The following LRRIQ1 variants were observed in gnomAD, a reference collection of about 807,000 sequenced individuals.
LRRIQ1 encodes leucine rich repeats and IQ motif containing 1.
A neutral mutation model predicts 211.9 loss-of-function variants in LRRIQ1; 210 were observed. The ratio of observed to expected loss-of-function variants is 0.99; its 90% CI spans 0.89 to 1.11. The LOEUF (loss-of-function observed/expected upper bound fraction) is 1.11, where lower values mean the gene tolerates loss of function less well. Ranked by LOEUF, LRRIQ1 falls within the 50% of genes most tolerant of loss-of-function variation. The pLI is 0.00. For synonymous variants in LRRIQ1, 699 were observed against 650.1 expected, an observed-to-expected ratio of 1.08 and a Z score of -1.14; for missense variants, 2,136 against 1,939.5, an observed-to-expected ratio of 1.10 and a Z score of -1.90.
At chr12:85,137,438 A>T (rs555251194) in intron 18 of LRRIQ1, among the ~76,000 whole-genome samples, 394 of 151,732 alleles carry the variant, frequency 2.6e-3, no homozygotes, top group African/African-American at 9.0e-3. Flanking sequence ...TCCCTGTATA[A>T]TATGGCCATT....
chr12:85,189,018 A>G (rs1445391799), intron 24 of LRRIQ1, among the ~76,000 whole-genome samples: 1 of 152,156 alleles, frequency 6.6e-6, no homozygotes, highest in African/African-American at 2.4e-5. Context: ...TAGAGACTGC[A>G]CAAGGTGGAG....
rs1224938469 is a variant in LRRIQ1 at position 85,192,680 on chromosome 12, A to G, written c.4822+31966A>G. On this transcript the variant is annotated intron_variant, in intron 24 of 26. Coordinates refer to ENST00000393217, the MANE Select transcript of LRRIQ1 (RefSeq NM_001079910.2). ...TTATAAATATATAGTTATATACTAT[A>G]ATTATATATAAATATATAGTTATAT... Among the ~76,000 whole-genome samples, 51 of 63,264 alleles carry G rather than the reference A, an allele frequency of 8.1e-4. 6 individuals are homozygous for G. The highest frequency in any genetic ancestry group is 6.9e-3 in the African/African-American group (48 of 6,966). The allele number at this position is 63,264 out of a possible 152,430, so 41.5% of individuals were successfully genotyped here. A position where few individuals can be genotyped will look rare whatever the true frequency, so the allele number is the denominator to read the frequency against.
At chr12:85,198,138 A>ATATATT (rs1565898939) in intron 24 of LRRIQ1, among the ~76,000 whole-genome samples, 1 of 118,438 alleles carries the variant, frequency 8.4e-6, no homozygotes, top group African/African-American at 3.6e-5. Context: ...TATTATATAT[A>ATATATT]ATATATTATA....
chr12:85,183,844 G>A (rs534230903), intron 24 of LRRIQ1, among the ~76,000 whole-genome samples: 1 of 152,062 alleles, frequency 6.6e-6, no homozygotes, highest in African/African-American at 2.4e-5. Context: ...AGACATATAA[G>A]GTTGTTTGTT....
At chr12:85,250,067 A>G (rs1230201063), downstream of LRRIQ1, among the ~76,000 whole-genome samples, 1 of 151,832 alleles carries the variant, frequency 6.6e-6, no homozygotes, top group Non-Finnish European at 1.5e-5. Flanking sequence ...CTAGATACCT[A>G]GAACAATTCC....
chr12:85,207,620 G>C (rs1183466843), intron 24 of LRRIQ1, among the ~76,000 whole-genome samples: 1 of 151,918 alleles, frequency 6.6e-6, no homozygotes, highest in Non-Finnish European at 1.5e-5. Flanking sequence ...CCTAGATTTT[G>C]TCCTGTGTTA....
rs573913391 is a variant in LRRIQ1, at chr12:85,205,301, C to G, written c.4823-24216C>G. The stretch of plus-strand genomic sequence containing the variant: ...TCAGCAGCATGAAAATAGACTAATA[C>G]AGAATTCCCTTAGCATTTGCTTGTC... On this transcript the variant is annotated intron_variant, in intron 24 of 26. Transcript: ENST00000393217. 2.9e-3 allele frequency among the ~76,000 whole-genome samples: 446 copies of G among 152,288 alleles called. 1 individual carries two copies. Among genetic ancestry groups the G allele is most frequent in the Non-Finnish European group, 4.4e-3 (297 of 68,018 alleles).
intron 15 of LRRIQ1, among the ~76,000 whole-genome samples, chr12:85,116,335 G>T (rs548603968): frequency 5.3e-5 from 8 of 152,102 alleles, no homozygotes; most frequent in Non-Finnish European, 1.0e-4. Context: ...TAGTAGAGAC[G>T]GGGTTTCATT....
chr12:85,216,722 A>G (rs534096859), intron 24 of LRRIQ1, among the ~76,000 whole-genome samples: 130 of 152,086 alleles, frequency 8.5e-4, no homozygotes, highest in Middle Eastern at 3.5e-3. Context: ...TTTCTCCAAT[A>G]GAATATGAGT....
rs370821981 is a variant in LRRIQ1, at chr12:85,259,015, A to G, written c.122-3900A>G. On this transcript the variant is annotated intron_variant, in intron 1 of 1. Coordinates refer to the LRRIQ1 transcript ENST00000602731. ...CCAAGGATTTAACAATAAAATATTT[A>G]AAGGACCAGAACAAATCTTGAGCAG... is the stretch of plus-strand genomic sequence containing the variant. Among the ~76,000 whole-genome samples, 22 of 152,146 alleles carry G rather than the reference A, an allele frequency of 1.4e-4. 1 individual carries two copies. The East Asian group carries it at 2.1e-3, about 15-fold the overall frequency.
intron 15 of LRRIQ1, among the ~76,000 whole-genome samples, chr12:85,113,456 G>T (rs1005136276): frequency 3.3e-5 from 5 of 151,954 alleles, no homozygotes; most frequent in African/African-American, 1.2e-4. Context: ...CAACTAAAAT[G>T]TTATATCCCT....
At chr12:85,108,110 G>A (rs1379284180) in intron 15 of LRRIQ1, among the ~76,000 whole-genome samples, 5 of 151,828 alleles carry the variant, frequency 3.3e-5, no homozygotes, top group Non-Finnish European at 4.4e-5. Context: ...TGGACATTTT[G>A]AATTTTATAT....
chr12:85,101,380 T>A (rs1886332431), intron 13 of LRRIQ1, among the ~76,000 whole-genome samples: 1 of 151,830 alleles, frequency 6.6e-6, no homozygotes, highest in African/African-American at 2.4e-5. Context: ...GATGACTCTC[T>A]GGCTTTATAA....
chr12:85,184,575 C>A (rs978478733), intron 24 of LRRIQ1, among the ~76,000 whole-genome samples: 28 of 151,894 alleles, frequency 1.8e-4, no homozygotes, highest in African/African-American at 6.8e-4. Flanking sequence ...ACATTTCAGA[C>A]AATATGGCAG....
chr12:85,122,893 C>G (rs568313648), intron 16 of LRRIQ1, among the ~76,000 whole-genome samples: 1 of 152,028 alleles, frequency 6.6e-6, no homozygotes. Context: ...TTCACATTCC[C>G]TTGAAGTCCA....
intron 11 of LRRIQ1, among the ~76,000 whole-genome samples, chr12:85,078,862 C>T (rs1883964955): frequency 6.6e-6 from 1 of 152,016 alleles, no homozygotes; most frequent in Non-Finnish European, 1.5e-5. Context: ...TTTATTAATT[C>T]ATTTAGAATT....
chr12:85,229,583 A>G lies in LRRIQ1; in HGVS notation c.4889A>G (p.Tyr1630Cys). Residue 1630 changes from tyrosine (Y) to cysteine (C), a missense_variant, in exon 25 of 27, where the codon TAT becomes TGT. By Grantham distance (194) the Tyr-to-Cys change is radical. Coordinates refer to ENST00000393217, the MANE Select transcript of LRRIQ1 (RefSeq NM_001079910.2). Reference sequence around the variant, plus strand: ...GAAAAATTAGAACGGAATAGAGAATATACATACCAATGGCTTCACACACAG... The same window carrying G: ...GAAAAATTAGAACGGAATAGAGAATGTACATACCAATGGCTTCACACACAG... Reference protein sequence around the residue: ...ANEKLERNREYTYQWLHTQVG... With the variant: ...ANEKLERNRECTYQWLHTQVG... 1 of 1,613,154 alleles carries G rather than the reference A, an allele frequency of 6.2e-7. No homozygotes were observed. Among genetic ancestry groups the G allele is most frequent in the Non-Finnish European group, 8.5e-7 (1 of 1,179,384 alleles).
At position 85,241,854 on chromosome 12, in the gene LRRIQ1, A is replaced by G. The variant is rs117516236; in HGVS notation, c.5017-2935A>G. ...AAAATCTTGTTTATGAAAAAAATGT[A>G]GAAGAAGAGGAAATCCCTCTTGTTT... On this transcript the variant is annotated intron_variant, in intron 26 of 26. Transcript: ENST00000393217. Among the ~76,000 whole-genome samples, 1,265 of 151,482 alleles carry G rather than the reference A, an allele frequency of 8.4e-3. 7 individuals are homozygous for G. Among genetic ancestry groups the G allele is most frequent in the Non-Finnish European group, 0.012 (795 of 67,948 alleles).
At position 85,072,972 on chromosome 12, in the gene LRRIQ1, T is replaced by A; in HGVS notation, c.2761T>A (p.Ser921Thr). 6.2e-7 allele frequency: 1 copy of A among 1,612,682 alleles called. No homozygotes were observed. Among genetic ancestry groups the A allele is most frequent in the Non-Finnish European group, 8.5e-7 (1 of 1,179,170 alleles). ...AGGGTTCTGCCATCACTTGGGCACC[T>A]CCACTTCTTACTTATCCCTGGCACA... ...NAGFCHHLGT[S>T]TSYLSLAQVW... Residue 921 changes from serine (S) to threonine (T), a missense_variant, in exon 11 of 27, where the codon TCC (serine) becomes ACC (threonine). Transcript: ENST00000393217.
Sources: gnomAD v4.1 joint callset for allele counts (sites outside exome capture counted in the v4.1 genomes callset) on GRCh38, gnomAD v4.1.1 for gene constraint, MANE v1.5 for transcripts, NCBI Gene and HGNC (gene_info 2026-07-23, HGNC 2026-07-21) for gene names.